Variants in ABCB4 observed in about 807,000 individuals in gnomAD.
The protein encoded by ABCB4 is phosphatidylcholine translocator ABCB4.
ABCB4 carries 76 observed loss-of-function variants against 145.7 expected under a neutral mutation model. The observed-to-expected ratio is 0.52, with a 90% CI of 0.43 to 0.63. ABCB4 has a LOEUF of 0.63. ABCB4 is among the 30% of genes least tolerant of loss of function. The pLI is 0.00. For missense variants in ABCB4, 1,234 were observed against 1,553.1 expected (o/e 0.79, Z 3.45); for synonymous variants, 517 against 566.8 (o/e 0.91, Z 1.25).
Position 87,453,169 on chromosome 7 carries a change from T to C in ABCB4, c.345-34A>G, listed in dbSNP as rs762430123. ...AAAGAGAAAGGCTCTATTAAATACC[T>C]TCTCTTTTCTTTTTTCTTTTCTTTT... is the stretch of plus-strand genomic sequence containing the variant. On this transcript the variant is annotated intron_variant, in intron 5 of 27. Transcript: ENST00000649586. The C allele has an allele frequency of 4.4e-6, 7 of 1,591,330 alleles. No homozygotes were observed. The South Asian group carries it at 6.6e-5, about 15-fold the overall frequency.
At chr7:87,424,108 T>G in intron 16 of ABCB4, 56 bp from the exon 17 acceptor site, 3 of 1,612,234 alleles carry the variant, frequency 1.9e-6, no homozygotes, top group Non-Finnish European at 2.5e-6. Flanking sequence ...TACCAGAGTC[T>G]GTAGACATAG....
At chr7:87,413,750 G>C in intron 21 of ABCB4, 33 bp from the exon 22 acceptor site, 1 of 1,380,128 alleles carries the variant, frequency 7.2e-7, no homozygotes, top group East Asian at 2.3e-5. Context: ...ATTAGAAGTG[G>C]TGTTTTCACT....
In ABCB4 at chr7:87,417,114, C is replaced by G. The variant is rs538818839; in HGVS notation, c.2682+198G>C. On this transcript the variant is annotated intron_variant, in intron 21 of 27. Coordinates refer to ENST00000649586, the MANE Select transcript of ABCB4 (RefSeq NM_000443.4). ...CTATGTTAAGTGCTTTCTATAGGCT[C>G]AACGTTTTATGTTAATCACCTTATA... Among the ~76,000 whole-genome samples, 13 of 152,136 alleles carry G rather than the reference C, an allele frequency of 8.5e-5. No homozygotes were observed. In the South Asian group the frequency reaches 2.7e-3, roughly 32 times the overall value.
At chr7:87,426,243 C>T (rs1809794763) in intron 16 of ABCB4, among the ~76,000 whole-genome samples, 7 of 152,108 alleles carry the variant, frequency 4.6e-5, no homozygotes, top group Admixed American at 4.6e-4. Context: ...CAGGGTAGTG[C>T]AGATAAAGAT....
rs891138639 is a variant in ABCB4, at chr7:87,424,159, G to A, written c.2065-107C>T. 16 of 1,384,062 alleles carry A rather than the reference G, an allele frequency of 1.2e-5. No individual in the cohort carries two copies. In the African/African-American group the frequency reaches 2.3e-4, roughly 20 times the overall value. The allele number at this position is 1,384,062 out of a possible 1,614,324, so 85.7% of individuals were successfully genotyped here. On this transcript the variant is annotated intron_variant, in intron 16 of 27. Coordinates refer to ENST00000649586, the MANE Select transcript of ABCB4 (RefSeq NM_000443.4). ...TGCCCTCAAGGGACTCGCAAACTAG[G>A]TGCAGAGAATGACAAGCAAACTACT...
At chr7:87,369,776 A>T in the ABCB4 span, 2 of 153,078 alleles carry the variant, frequency 1.3e-5, no homozygotes, top group African/African-American at 2.5e-5. Context: ...CCATTGTTCC[A>T]TACCTGTTGC....
Position 87,462,914 on chromosome 7 carries a change from A to G in ABCB4, c.136-6T>C, listed in dbSNP as rs201944321. Reference sequence around the variant, plus strand: ...TGCCAATCGGAGTATCGAAACTAAAAAAAGGAAATAAAATAATACTTAGCT... The same window carrying G: ...TGCCAATCGGAGTATCGAAACTAAAGAAAGGAAATAAAATAATACTTAGCT... On this transcript the variant is annotated splice_polypyrimidine_tract_variant and splice_region_variant and intron_variant, in intron 3 of 27. Coordinates refer to ENST00000649586, the MANE Select transcript of ABCB4 (RefSeq NM_000443.4). 2 of 1,612,394 alleles carry G rather than the reference A, an allele frequency of 1.2e-6. No homozygotes were observed. Among genetic ancestry groups the G allele is most frequent in the East Asian group, 2.2e-5 (1 of 44,844 alleles).
At chr7:87,430,618 G>A (rs1213511441) in intron 15 of ABCB4, among the ~76,000 whole-genome samples, 2 of 151,740 alleles carry the variant, frequency 1.3e-5, no homozygotes, top group South Asian at 2.1e-4. Flanking sequence ...TCCACCTCCC[G>A]GATTCAAGCG....
At chr7:87,475,035 A>G (rs1411178401) in intron 2 of ABCB4, among the ~76,000 whole-genome samples, 3 of 152,202 alleles carry the variant, frequency 2.0e-5, no homozygotes, top group African/African-American at 7.2e-5. Context: ...AGTCTGAACA[A>G]TCAGATGATG....
chr7:87,437,013 T>A (rs1810653308), intron 14 of ABCB4, among the ~76,000 whole-genome samples: 1 of 152,160 alleles, frequency 6.6e-6, no homozygotes, highest in Non-Finnish European at 1.5e-5. Flanking sequence ...ATTTTGAGGG[T>A]CTGAGGAAGA....
At chr7:87,426,624 T>G in intron 16 of ABCB4, 126 bp downstream of exon 16, 1 of 936,742 alleles carries the variant, frequency 1.1e-6, no homozygotes, top group Non-Finnish European at 1.6e-6. Context: ...AATTTTTTTC[T>G]TTACAAAGAG....
At chr7:87,472,546 T>G (rs1813495921) in intron 3 of ABCB4, 75 bp downstream of exon 3, 2 of 1,292,334 alleles carry the variant, frequency 1.5e-6, no homozygotes, top group Admixed American at 3.4e-5. Context: ...AGTATTTGCT[T>G]TAAAGGTAAT....
At chr7:87,383,727 G>T in the ABCB4 span, among the ~76,000 whole-genome samples, 1 of 152,034 alleles carries the variant, frequency 6.6e-6, no homozygotes, top group African/African-American at 2.4e-5. Context: ...TAACTCCTGA[G>T]CTCAGGTGAT....
upstream of ABCB4, chr7:87,475,741 C>T (rs986782918): frequency 3.8e-5 from 14 of 367,026 alleles, no homozygotes; most frequent in Non-Finnish European, 6.3e-5. Context: ...CCCCCGCCCC[C>T]CACGCGCGTC....
chr7:87,431,985 C>T (rs1409225891), intron 14 of ABCB4, among the ~76,000 whole-genome samples: 1 of 152,162 alleles, frequency 6.6e-6, no homozygotes, highest in Non-Finnish European at 1.5e-5. Flanking sequence ...TGTAGGATCT[C>T]TTTTTAAGAG....
chr7:87,409,662 C>T (rs1214961124), intron 23 of ABCB4, among the ~76,000 whole-genome samples: 1 of 152,166 alleles, frequency 6.6e-6, no homozygotes, highest in Non-Finnish European at 1.5e-5. Context: ...ACTGTGACTT[C>T]CCAAAGGTTT....
At chr7:87,395,399 A>G in the ABCB4 span, among the ~76,000 whole-genome samples, 972 of 152,330 alleles carry the variant, frequency 6.4e-3, 15 homozygotes, top group African/African-American at 0.022. Context: ...ACACTGTCTC[A>G]GACACACCCA....
chr7:87,471,310 C>T (rs1482234534), intron 3 of ABCB4, among the ~76,000 whole-genome samples: 3 of 151,808 alleles, frequency 2.0e-5, no homozygotes, highest in Non-Finnish European at 1.5e-5. Flanking sequence ...CACATGTATA[C>T]ATATGTAACA....
chr7:87,452,799 G>C, intron 6 of ABCB4, 145 bp downstream of exon 6: 1 of 946,750 alleles, frequency 1.1e-6, no homozygotes, highest in Non-Finnish European at 1.6e-6. Context: ...TATAGATGCT[G>C]CTAGACATGG....
Sources: gnomAD v4.1 joint callset for allele counts (sites outside exome capture counted in the v4.1 genomes callset) on GRCh38, gnomAD v4.1.1 for gene constraint, MANE v1.5 for transcripts, NCBI Gene and HGNC (gene_info 2026-07-23, HGNC 2026-07-21) for gene names.